ATP2C1: variants seen among roughly 807,000 people sequenced by gnomAD.
ATP2C1 encodes ATPase secretory pathway Ca2+ transporting 1, also known as calcium-transporting ATPase type 2C member 1.
A neutral mutation model predicts 120.5 loss-of-function variants in ATP2C1; 31 were observed. The observed-to-expected ratio is 0.26, with a 90% confidence interval of 0.19 to 0.35. ATP2C1 has a LOEUF of 0.35. Ranked by LOEUF, ATP2C1 falls within the 10% of genes least tolerant of loss-of-function variation. ATP2C1 has a pLI of 1.00. For synonymous variants in ATP2C1, 351 were observed against 358.7 expected (o/e 0.98, Z 0.24); for missense variants, 731 against 1,107.5 (o/e 0.66, Z 4.83).
intron 5 of ATP2C1, 86 bp from the exon 6 acceptor site, chr3:130,937,342 A>C: frequency 1.0e-4 from 105 of 1,043,750 alleles, no homozygotes; most frequent in Middle Eastern, 2.8e-4. Flanking sequence ...TTATTGTGGG[A>C]CTGCAGATAG....
chr3:130,979,210 CTT>C, intron 18 of ATP2C1, 37 bp from the exon 19 acceptor site: 2 of 1,602,704 alleles, frequency 1.2e-6, no homozygotes, highest in Non-Finnish European at 1.7e-6. Context: ...TCATGACTCA[CTT>C]TTTTTTGTTG....
At chr3:130,932,261 C>T (rs2059482027) in intron 4 of ATP2C1, 123 bp downstream of exon 4, 1 of 705,650 alleles carries the variant, frequency 1.4e-6, no homozygotes, top group Non-Finnish European at 2.5e-6. Flanking sequence ...ATGTTTTTTA[C>T]CTAAAATTTT....
At chr3:130,901,599 T>C (rs923692297) in intron 2 of ATP2C1, among the ~76,000 whole-genome samples, 1 of 151,954 alleles carries the variant, frequency 6.6e-6, no homozygotes, top group Non-Finnish European at 1.5e-5. Flanking sequence ...GAAGGTGCCA[T>C]TGATTGTGGT....
intron 2 of ATP2C1, among the ~76,000 whole-genome samples, chr3:130,910,451 C>A (rs1469252792): frequency 1.4e-5 from 2 of 142,504 alleles, no homozygotes; most frequent in Non-Finnish European, 1.5e-5. Flanking sequence ...CCTTCTCCTG[C>A]CTAATTGCCC....
chr3:130,960,525 A>G (rs528467792), intron 12 of ATP2C1, among the ~76,000 whole-genome samples: 24 of 152,332 alleles, frequency 1.6e-4, no homozygotes, highest in African/African-American at 5.5e-4. Flanking sequence ...TTCCTAGTCC[A>G]GAGAGATTTT....
chr3:130,997,635 T>C lies in ATP2C1; in HGVS notation c.2273T>C (p.Val758Ala), dbSNP rs1228205729. Residue 758 changes from valine (V) to alanine (A), a missense_variant, in exon 25 of 28, where the codon GTC becomes GCC. Physicochemically the swap from Val to Ala is moderately conservative, Grantham distance 64. Around this residue, in one of 3 missense-constraint regions of ATP2C1, gnomAD observed 141 missense variants for 201.6 expected, o/e 0.70. Transcript: ENST00000510168. ...SLGVEPVDKD[V>A]IRKPPRNWKD... ...GGAGTAGAACCAGTGGATAAAGATG[T>C]CATTCGTAAACCTCCTCGCAACTGG... 1 of 1,613,646 alleles carries C rather than the reference T, an allele frequency of 6.2e-7. No individual in the cohort carries two copies. The highest frequency in any genetic ancestry group is 1.7e-5 in the Admixed American group (1 of 60,020).
At chr3:130,890,607 G>T (rs187711088), upstream of ATP2C1, among the ~76,000 whole-genome samples, 186 of 152,342 alleles carry the variant, frequency 1.2e-3, 1 homozygote, top group African/African-American at 4.3e-3. Flanking sequence ...AGTACTTGGG[G>T]ATCTGGATCT....
chr3:130,999,579 G>A lies in ATP2C1; in HGVS notation c.2549G>A (p.Gly850Glu). ...SNRMFCYAVL[G>E]SIMGQLLVIY... ...AGAATGTTTTGCTATGCAGTTCTTG[G>A]ATCCATCATGGGACAATTACTAGTT... The change falls in exon 27 of 28, where the codon GGA becomes GAA. Residue 850 changes from glycine (G) to glutamate (E), a missense_variant. Physicochemically the swap from Gly to Glu is moderately conservative, Grantham distance 98. Coordinates refer to ENST00000510168, the MANE Select transcript of ATP2C1 (RefSeq NM_001378687.1). 2 of 1,613,598 alleles carry A rather than the reference G, an allele frequency of 1.2e-6. No homozygotes were observed. Among genetic ancestry groups the A allele is most frequent in the Non-Finnish European group, 1.7e-6 (2 of 1,179,724 alleles).
chr3:130,899,963 C>G (rs2070007556), intron 2 of ATP2C1, among the ~76,000 whole-genome samples: 1 of 152,046 alleles, frequency 6.6e-6, no homozygotes, highest in South Asian at 2.1e-4. Context: ...GACATTTGGT[C>G]ATTTCGTAAA....
At chr3:130,916,748 C>T (rs556440603) in intron 2 of ATP2C1, among the ~76,000 whole-genome samples, 20 of 152,134 alleles carry the variant, frequency 1.3e-4, no homozygotes, top group African/African-American at 4.6e-4. Flanking sequence ...TTTATTCAGC[C>T]ACTCGACAGC....
chr3:130,924,446 T>C (rs2059112718), intron 2 of ATP2C1, among the ~76,000 whole-genome samples: 1 of 152,224 alleles, frequency 6.6e-6, no homozygotes, highest in Non-Finnish European at 1.5e-5. Context: ...AGATACACTG[T>C]TAATCTGATA....
At chr3:130,941,981 G>A (rs188712525) in intron 8 of ATP2C1, among the ~76,000 whole-genome samples, 22 of 152,194 alleles carry the variant, frequency 1.4e-4, no homozygotes, top group African/African-American at 5.3e-4. Flanking sequence ...CTTGTGACTA[G>A]GGAACATACT....
chr3:131,015,732 T>C lies in ATP2C1; in HGVS notation c.2630-420T>C, dbSNP rs568869867. Among the ~76,000 whole-genome samples, 24 of 151,314 alleles carry C rather than the reference T, an allele frequency of 1.6e-4. No individual in the cohort carries two copies. In the East Asian group the frequency reaches 4.5e-3, roughly 28 times the overall value. The stretch of plus-strand genomic sequence containing the variant: ...GGTAAGAAATGCAATTAAAAAAAAA[T>C]AGAGTAACAGGACTAGAGTGAATGA... On this transcript the variant is annotated intron_variant, in intron 26 of 26. Transcript: ENST00000328560.
At position 130,997,695 on chromosome 3, in the gene ATP2C1, A is replaced by G. The variant is rs767448728; in HGVS notation, c.2333A>G (p.Lys778Arg). ...ATTTTGACTAAAAACTTGATACTTA[A>G]AATACTTGTTTCATCAATAATCATT... ...DSILTKNLIL[K>R]ILVSSIIIVC... Residue 778 changes from lysine to arginine, a missense_variant, in exon 25 of 28, where the codon AAA becomes AGA. By Grantham distance (26) the Lys-to-Arg change is conservative. Around this residue, in one of 3 missense-constraint regions of ATP2C1, gnomAD observed 141 missense variants for 201.6 expected, o/e 0.70. Coordinates refer to ENST00000510168, the MANE Select transcript of ATP2C1 (RefSeq NM_001378687.1). The G allele has an allele frequency of 6.2e-7, 1 of 1,613,812 alleles. No individual in the cohort carries two copies. Among genetic ancestry groups the G allele is most frequent in the South Asian group, 1.1e-5 (1 of 91,082 alleles).
At chr3:130,985,266 G>T (rs888984732) in intron 20 of ATP2C1, among the ~76,000 whole-genome samples, 2 of 152,116 alleles carry the variant, frequency 1.3e-5, no homozygotes, top group African/African-American at 4.8e-5. Flanking sequence ...TGATGCAAAG[G>T]TGAAATACAT....
At chr3:130,951,777 C>T (rs2060378487) in intron 8 of ATP2C1, among the ~76,000 whole-genome samples, 1 of 151,970 alleles carries the variant, frequency 6.6e-6, no homozygotes, top group Admixed American at 6.6e-5. Flanking sequence ...GTCTAAATGA[C>T]TATTGATCTG....
intron 20 of ATP2C1, among the ~76,000 whole-genome samples, chr3:130,992,312 A>G (rs560052575): frequency 1.3e-5 from 2 of 152,356 alleles, no homozygotes; most frequent in South Asian, 2.1e-4. Flanking sequence ...TTGTGGAAAC[A>G]CTAGGTTAGA....
At chr3:130,908,751 T>A (rs2058257973) in intron 2 of ATP2C1, among the ~76,000 whole-genome samples, 1 of 152,174 alleles carries the variant, frequency 6.6e-6, no homozygotes, top group Admixed American at 6.6e-5. Context: ...TTATATATAA[T>A]ATCTGTTGGT....
chr3:131,011,950 G>T (rs1168755284), intron 26 of ATP2C1, among the ~76,000 whole-genome samples: 1 of 152,148 alleles, frequency 6.6e-6, no homozygotes, highest in African/African-American at 2.4e-5. Context: ...ATATACACCA[G>T]AGTAGTATAC....
Sources: gnomAD v4.1 joint callset for allele counts (sites outside exome capture counted in the v4.1 genomes callset) on GRCh38, gnomAD v4.1.1 for gene constraint, gnomAD v4.1.1 regional missense constraint, MANE v1.5 for transcripts, NCBI Gene and HGNC (gene_info 2026-07-23, HGNC 2026-07-21) for gene names.